Variants in FRZB observed in about 807,000 individuals in gnomAD.
FRZB encodes secreted frizzled-related protein 3.
In FRZB, 34 loss-of-function variants were observed where a neutral mutation model predicts 32.5. That is an observed-to-expected ratio of 1.05 (90% confidence interval 0.80 to 1.39). The LOEUF (loss-of-function observed/expected upper bound fraction) is 1.39, where lower values mean the gene tolerates loss of function less well. Ranked by LOEUF, FRZB falls within the 40% of genes most tolerant of loss-of-function variation. The pLI is 0.00. For synonymous variants in FRZB, 170 were observed against 159.2 expected (o/e 1.07, Z -0.51); for missense variants, 423 against 424.8 (o/e 1.00, Z 0.04).
At chr2:182,839,381 A>C (rs987878344) in intron 3 of FRZB, among the ~76,000 whole-genome samples, 1 of 152,004 alleles carries the variant, frequency 6.6e-6, no homozygotes, top group East Asian at 1.9e-4. Flanking sequence ...AAAAATGGTC[A>C]CCACTAGATC....
intron 5 of FRZB, 139 bp downstream of exon 5, chr2:182,837,809 G>A: frequency 3.1e-6 from 2 of 635,768 alleles, no homozygotes; most frequent in Admixed American, 2.8e-5. Flanking sequence ...AGCTCTTGGA[G>A]TATATAAATA....
At chr2:182,844,650 A>T (rs1695621503) in intron 2 of FRZB, among the ~76,000 whole-genome samples, 1 of 152,206 alleles carries the variant, frequency 6.6e-6, no homozygotes, top group African/African-American at 2.4e-5. Flanking sequence ...GTCTAATTTG[A>T]TGTTGTTACT....
intron 3 of FRZB, among the ~76,000 whole-genome samples, chr2:182,841,878 C>G (rs903157199): frequency 6.6e-6 from 1 of 152,052 alleles, no homozygotes; most frequent in Non-Finnish European, 1.5e-5. Flanking sequence ...GCTTTTTAAT[C>G]CTTCAGTTAA....
At position 182,859,116 on chromosome 2, in the gene FRZB, AATGATAAGCATCCTATC is replaced by A. The variant is rs557471766; in HGVS notation, c.479-300_479-284del. ...TTATTTGAATTTCACAAAATTTGTA[AATGATAAGCATCCTATC>A]ATGATAAAGCCTATGCAAATATTAG... On this transcript the variant is annotated intron_variant, in intron 1 of 5. Transcript: ENST00000295113. Among the ~76,000 whole-genome samples, 9 of 152,190 alleles carry A rather than the reference AATGATAAGCATCCTATC, an allele frequency of 5.9e-5. No homozygotes were observed. The East Asian group carries it at 1.5e-3, about 26-fold the overall frequency.
chr2:182,851,334 A>G (rs1418483494), intron 2 of FRZB, among the ~76,000 whole-genome samples: 1 of 152,204 alleles, frequency 6.6e-6, no homozygotes, highest in Non-Finnish European at 1.5e-5. Context: ...TAAATGAGAA[A>G]GTTACAAAAG....
rs778720984 is a variant in FRZB, at chr2:182,833,345, T to G, written c.*1504A>C. The G allele has an allele frequency of 6.6e-6, 1 of 152,170 alleles. No individual in the cohort carries two copies. Among genetic ancestry groups the G allele is most frequent in the African/African-American group, 2.4e-5 (1 of 41,458 alleles). The allele number at this position is 152,170 out of a possible 1,614,324, so 9.4% of individuals were successfully genotyped here. Reference sequence around the variant, plus strand: ...AATTTGGTTCTACTAATAGCACACATGTAAATGGCAGAGAATGAAACTTTC... The same window carrying G: ...AATTTGGTTCTACTAATAGCACACAGGTAAATGGCAGAGAATGAAACTTTC... On this transcript the variant is annotated 3_prime_UTR_variant, in exon 6 of 6. Coordinates refer to ENST00000295113, the MANE Select transcript of FRZB (RefSeq NM_001463.4).
At chr2:182,861,635 G>A (rs1259549581) in intron 1 of FRZB, among the ~76,000 whole-genome samples, 1 of 152,212 alleles carries the variant, frequency 6.6e-6, no homozygotes, top group Non-Finnish European at 1.5e-5. Flanking sequence ...CTAAGGGCCT[G>A]TAACTCTAAA....
At chr2:182,845,135 T>C (rs1695626507) in intron 2 of FRZB, among the ~76,000 whole-genome samples, 1 of 152,174 alleles carries the variant, frequency 6.6e-6, no homozygotes, top group African/African-American at 2.4e-5. Context: ...AAGGGTATCT[T>C]AGATCAATAG....
chr2:182,841,756 T>C (rs1202618961), intron 3 of FRZB, among the ~76,000 whole-genome samples: 1 of 151,952 alleles, frequency 6.6e-6, no homozygotes, highest in Non-Finnish European at 1.5e-5. Context: ...ACTACTTAGG[T>C]TCGATAATCA....
At chr2:182,848,832 T>C (rs1695676352) in intron 2 of FRZB, among the ~76,000 whole-genome samples, 1 of 152,204 alleles carries the variant, frequency 6.6e-6, no homozygotes, top group Admixed American at 6.5e-5. Flanking sequence ...TATGCTTCCA[T>C]TTACGTGAAG....
At chr2:182,839,879 G>A (rs1400521870) in intron 3 of FRZB, among the ~76,000 whole-genome samples, 1 of 151,986 alleles carries the variant, frequency 6.6e-6, no homozygotes, top group Non-Finnish European at 1.5e-5. Flanking sequence ...TTTAATCTGA[G>A]TACTTTCCCA....
At chr2:182,836,699 A>G (rs950018968) in intron 5 of FRZB, among the ~76,000 whole-genome samples, 1 of 152,052 alleles carries the variant, frequency 6.6e-6, no homozygotes, top group Non-Finnish European at 1.5e-5. Context: ...CCAGTTCTGC[A>G]TTAGCAAGCA....
chr2:182,866,418 G>A lies in FRZB; in HGVS notation c.135C>T (p.Ser45=). 2 of 1,607,960 alleles carry A rather than the reference G, an allele frequency of 1.2e-6. No homozygotes were observed. Among genetic ancestry groups the A allele is most frequent in the Non-Finnish European group, 1.7e-6 (2 of 1,176,264 alleles). The stretch of plus-strand genomic sequence containing the variant: ...GCATCTTAGTCATGTTCCAGGGCAG[G>A]GACTTGCACAGGGGGATGCGGACGG... ...CEPVRIPLCK[S]LPWNMTKMPN... The change falls in exon 1 of 6, where the codon TCC becomes TCT. Residue 45 remains serine, a synonymous_variant. Coordinates refer to ENST00000295113, the MANE Select transcript of FRZB (RefSeq NM_001463.4). This position sits in a 1 kb window ranked among gnomAD's most constrained non-coding sequence, Gnocchi z 4.5.
In FRZB at chr2:182,853,879, G is replaced by A. The variant is rs546725023; in HGVS notation, c.526+4907C>T. ...CTATCATATTGTAGAAATAAATGCA[G>A]CATTAGTCATTGTAACAAAAACTGA... is the stretch of plus-strand genomic sequence containing the variant. On this transcript the variant is annotated intron_variant, in intron 2 of 5. Transcript: ENST00000295113. 1.9e-4 allele frequency among the ~76,000 whole-genome samples: 29 copies of A among 152,216 alleles called. No individual in the cohort carries two copies. In the South Asian group the frequency reaches 5.6e-3, roughly 29 times the overall value.
chr2:182,834,266 T>C lies in FRZB; in HGVS notation c.*583A>G, dbSNP rs1695498707. The C allele has an allele frequency of 6.6e-6, 1 of 152,260 alleles. No individual in the cohort carries two copies. The highest frequency in any genetic ancestry group is 1.5e-5 in the Non-Finnish European group (1 of 68,096). 9.4% of individuals were successfully genotyped at this position (152,260 alleles called of 1,614,324 possible). On this transcript the variant is annotated 3_prime_UTR_variant, in exon 6 of 6. Coordinates refer to ENST00000295113, the MANE Select transcript of FRZB (RefSeq NM_001463.4). ...TCCTGACAGTCTCAAAAATAATTCA[T>C]CTTGGGTGTTGTTTCCTCATAAACA...
At chr2:182,846,186 T>C (rs982505996) in intron 2 of FRZB, among the ~76,000 whole-genome samples, 1 of 152,190 alleles carries the variant, frequency 6.6e-6, no homozygotes, top group Non-Finnish European at 1.5e-5. Context: ...GAAGTCTAAG[T>C]CCCTGATACA....
At chr2:182,850,017 G>A (rs1340620099) in intron 2 of FRZB, among the ~76,000 whole-genome samples, 1 of 152,196 alleles carries the variant, frequency 6.6e-6, no homozygotes, top group Admixed American at 6.5e-5. Flanking sequence ...GAGGTGAAAG[G>A]AAAGGGAGTG....
intron 1 of FRZB, among the ~76,000 whole-genome samples, chr2:182,860,140 G>T (rs1042370995): frequency 6.6e-6 from 1 of 152,138 alleles, no homozygotes; most frequent in Non-Finnish European, 1.5e-5. Context: ...GCTAAGCCAA[G>T]GAGAGTGTTT....
At chr2:182,843,172 A>C (rs1197205605) in intron 2 of FRZB, among the ~76,000 whole-genome samples, 5 of 152,172 alleles carry the variant, frequency 3.3e-5, no homozygotes. Flanking sequence ...TTGAAAAGAG[A>C]AATTTCATTT....
Sources: gnomAD v4.1 joint callset for allele counts (sites outside exome capture counted in the v4.1 genomes callset) on GRCh38, gnomAD v4.1.1 for gene constraint, Gnocchi (gnomAD v3.1) non-coding constraint, MANE v1.5 for transcripts, NCBI Gene and HGNC (gene_info 2026-07-23, HGNC 2026-07-21) for gene names.